The following USP32 variants were observed in gnomAD, a reference collection of about 807,000 sequenced individuals.
The protein encoded by USP32 is ubiquitin specific peptidase 32.
A neutral mutation model predicts 204.8 loss-of-function variants in USP32; 59 were observed. That is an observed-to-expected ratio of 0.29 (90% CI 0.23 to 0.36). The LOEUF (loss-of-function observed/expected upper bound fraction) is 0.36, where lower values mean the gene tolerates loss of function less well. USP32 is among the 10% of genes least tolerant of loss of function. USP32 has a pLI of 1.00. For missense variants in USP32, 1,160 were observed against 1,946.4 expected (o/e 0.60, Z 7.60); for synonymous variants, 517 against 678.4 (o/e 0.76, Z 3.70).
At position 60,198,461 on chromosome 17, in the gene USP32, G is replaced by C. The variant is rs1364528651; in HGVS notation, c.3250-17C>G. On this transcript the variant is annotated splice_polypyrimidine_tract_variant and intron_variant, in intron 26 of 33. Coordinates refer to ENST00000300896, the MANE Select transcript of USP32 (RefSeq NM_032582.4). ...TGTCCTCATCTGTATGTACAAACAA[G>C]AGAATAGAGAGTTCAGAAGACAGGC... 7 of 1,611,004 alleles carry C rather than the reference G, an allele frequency of 4.3e-6. No individual in the cohort carries two copies. Among genetic ancestry groups the C allele is most frequent in the Non-Finnish European group, 5.9e-6 (7 of 1,179,214 alleles).
chr17:60,384,645 G>A (rs2089698589), intron 1 of USP32, among the ~76,000 whole-genome samples: 1 of 151,990 alleles, frequency 6.6e-6, no homozygotes. Flanking sequence ...TACAAAATTA[G>A]TCGGGCATGG....
intron 2 of USP32, among the ~76,000 whole-genome samples, chr17:60,320,977 T>C (rs1197077265): frequency 6.6e-6 from 1 of 152,146 alleles, no homozygotes; most frequent in Non-Finnish European, 1.5e-5. Context: ...CTCTGTCCTC[T>C]TACCTCCTAC....
At chr17:60,280,856 AT>A (rs2086951063) in intron 5 of USP32, among the ~76,000 whole-genome samples, 1 of 152,222 alleles carries the variant, frequency 6.6e-6, no homozygotes, top group South Asian at 2.1e-4. Context: ...GGTAATATAA[AT>A]CATAGTCATC....
chr17:60,349,048 A>G (rs993384838), intron 1 of USP32, among the ~76,000 whole-genome samples: 5 of 151,892 alleles, frequency 3.3e-5, no homozygotes, highest in Non-Finnish European at 5.9e-5. Flanking sequence ...TTTAGTAACA[A>G]ATTAGGTTGT....
intron 1 of USP32, among the ~76,000 whole-genome samples, chr17:60,404,022 A>G (rs893133086): frequency 7.3e-5 from 11 of 150,838 alleles, no homozygotes; most frequent in Non-Finnish European, 1.0e-4. Flanking sequence ...CCTGGGTGAC[A>G]GGGCGAGACC....
chr17:60,247,786 C>T (rs545478721), intron 11 of USP32, among the ~76,000 whole-genome samples: 11 of 152,102 alleles, frequency 7.2e-5, no homozygotes, highest in Admixed American at 2.6e-4. Flanking sequence ...CCAGTTCAAG[C>T]GATTCTCCTG....
At chr17:60,197,844 A>C (rs1389422719) in intron 27 of USP32, among the ~76,000 whole-genome samples, 1 of 152,248 alleles carries the variant, frequency 6.6e-6, no homozygotes, top group East Asian at 1.9e-4. Flanking sequence ...ATGGTATGGA[A>C]ATAATCCAAC....
intron 30 of USP32, among the ~76,000 whole-genome samples, chr17:60,184,025 G>A (rs1455476363): frequency 6.6e-6 from 1 of 151,982 alleles, no homozygotes; most frequent in Non-Finnish European, 1.5e-5. Flanking sequence ...AGTGGCTCAC[G>A]CCTATAAACC....
In USP32 at chr17:60,177,415, C is replaced by T. The variant is rs1195739092; in HGVS notation, c.*1840G>A. Among the ~76,000 whole-genome samples the T allele has an allele frequency of 1.3e-5, 2 of 152,100 alleles. No individual in the cohort carries two copies. The highest frequency in any genetic ancestry group is 4.8e-5 in the African/African-American group (2 of 41,396). On this transcript the variant is annotated 3_prime_UTR_variant, in exon 34 of 34. Transcript: ENST00000300896. ...CAGTGCATTGTCAACAAGTTTTATA[C>T]AGTAATTTACAAGGTGAATGTAGTT...
intron 5 of USP32, among the ~76,000 whole-genome samples, chr17:60,287,814 C>CAAAA (rs547794442): frequency 6.7e-6 from 1 of 149,380 alleles, no homozygotes; most frequent in South Asian, 2.1e-4. Context: ...AAAACACTGA[C>CAAAA]AAAAAAAAAA....
intron 5 of USP32, among the ~76,000 whole-genome samples, chr17:60,287,492 C>CCT (rs1279571757): frequency 1.3e-5 from 2 of 152,134 alleles, no homozygotes; most frequent in African/African-American, 4.8e-5. Flanking sequence ...TTTACCTGGT[C>CCT]CTCTTTGCTT....
At chr17:60,357,500 AC>A (rs2089107895) in intron 1 of USP32, among the ~76,000 whole-genome samples, 1 of 152,096 alleles carries the variant, frequency 6.6e-6, no homozygotes, top group Non-Finnish European at 1.5e-5. Context: ...CAAGCAAGCA[AC>A]AGAGCAAGAC....
intron 9 of USP32, among the ~76,000 whole-genome samples, chr17:60,259,955 C>T (rs2086412810): frequency 6.6e-6 from 1 of 152,050 alleles, no homozygotes; most frequent in Non-Finnish European, 1.5e-5. Context: ...CTCTTGTTTG[C>T]CTATGGTAAA....
At chr17:60,314,970 A>G (rs1037686153) in intron 2 of USP32, among the ~76,000 whole-genome samples, 2 of 152,224 alleles carry the variant, frequency 1.3e-5, no homozygotes, top group African/African-American at 4.8e-5. Context: ...TTATATATCC[A>G]ACAACAAAAT....
chr17:60,350,159 C>T (rs1396072748), intron 1 of USP32, among the ~76,000 whole-genome samples: 1 of 151,798 alleles, frequency 6.6e-6, no homozygotes, highest in Non-Finnish European at 1.5e-5. Context: ...ACCACAGGCT[C>T]CCACTGCCAC....
At chr17:60,402,453 G>C (rs1188485485) in intron 1 of USP32, among the ~76,000 whole-genome samples, 2 of 151,872 alleles carry the variant, frequency 1.3e-5, no homozygotes, top group Admixed American at 6.6e-5. Context: ...GCTTCACCAC[G>C]TTGCCCAGAC....
At chr17:60,264,476 C>A (rs886519282) in intron 9 of USP32, among the ~76,000 whole-genome samples, 2 of 151,646 alleles carry the variant, frequency 1.3e-5, no homozygotes, top group Non-Finnish European at 1.5e-5. Flanking sequence ...GATCCCACCA[C>A]TGCACTCTAG....
chr17:60,280,999 G>T (rs186953813), intron 5 of USP32, among the ~76,000 whole-genome samples: 206 of 152,312 alleles, frequency 1.4e-3, no homozygotes, highest in African/African-American at 4.9e-3. Context: ...CAATTCAGTT[G>T]TCTGTTGAAT....
At chr17:60,409,400 A>G (rs1254454847) in intron 1 of USP32, among the ~76,000 whole-genome samples, 1 of 152,206 alleles carries the variant, frequency 6.6e-6, no homozygotes, top group Non-Finnish European at 1.5e-5. Context: ...ATTGGCCTCT[A>G]TGCACGTCGG....
Sources: allele counts gnomAD v4.1 joint callset (sites outside exome capture counted in the v4.1 genomes callset), GRCh38; gene constraint gnomAD v4.1.1; transcripts MANE v1.5; gene names NCBI Gene and HGNC (gene_info 2026-07-23, HGNC 2026-07-21).